ATL2: variants seen among roughly 807,000 people sequenced by gnomAD.
ATL2 encodes atlastin-2.
Under a neutral mutation model 73.9 loss-of-function variants are expected in ATL2, and 31 were observed. That is an observed-to-expected ratio of 0.42 (90% CI 0.32 to 0.57). ATL2 has a LOEUF of 0.57. Ranked by LOEUF, ATL2 falls within the 20% of genes least tolerant of loss-of-function variation. ATL2 has a pLI of 0.14. For synonymous variants in ATL2, 291 were observed against 237.5 expected (o/e 1.23, Z -2.07); for missense variants, 738 against 702.6 (o/e 1.05, Z -0.57).
At chr2:38,374,657 A>G (rs774270805) in intron 1 of ATL2, among the ~76,000 whole-genome samples, 1 of 152,192 alleles carries the variant, frequency 6.6e-6, no homozygotes. Context: ...TTTTTAATAC[A>G]TCTTGCTATG....
intron 1 of ATL2, among the ~76,000 whole-genome samples, chr2:38,373,206 A>G (rs951150741): frequency 2.6e-5 from 4 of 152,136 alleles, no homozygotes; most frequent in Non-Finnish European, 4.4e-5. Context: ...TATCCTCCCT[A>G]TGATTAAAGA....
chr2:38,376,808 C>T (rs978970254), intron 1 of ATL2, among the ~76,000 whole-genome samples: 54 of 151,740 alleles, frequency 3.6e-4, no homozygotes, highest in African/African-American at 1.2e-3. Flanking sequence ...GGCAGGCGGC[C>T]ACGGCTCAAG....
intron 9 of ATL2, among the ~76,000 whole-genome samples, chr2:38,302,065 A>C (rs1270414699): frequency 6.6e-6 from 1 of 152,138 alleles, no homozygotes; most frequent in Admixed American, 6.5e-5. Flanking sequence ...CCCAGACAAG[A>C]TTTCTAAACA....
chr2:38,339,545 T>C (rs906635126), intron 2 of ATL2, among the ~76,000 whole-genome samples: 3 of 152,084 alleles, frequency 2.0e-5, no homozygotes, highest in Non-Finnish European at 4.4e-5. Context: ...TAAAAAAATA[T>C]GACCTCTAAT....
chr2:38,354,133 C>T (rs1292780439), intron 1 of ATL2: 6 of 415,332 alleles, frequency 1.4e-5, no homozygotes, highest in Non-Finnish European at 2.8e-5. Flanking sequence ...TTGCAGTAAG[C>T]GAAGATCGTG....
intron 4 of ATL2, among the ~76,000 whole-genome samples, chr2:38,316,549 A>G (rs1668034215): frequency 6.7e-6 from 1 of 148,938 alleles, no homozygotes; most frequent in Admixed American, 6.6e-5. Context: ...ATCTTACATA[A>G]GGAAAGAAAA....
chr2:38,372,608 T>A (rs1671751717), intron 1 of ATL2, among the ~76,000 whole-genome samples: 1 of 152,224 alleles, frequency 6.6e-6, no homozygotes. Context: ...AGAACTACTT[T>A]GCCACAGGAT....
rs143632980 is a variant in ATL2 at position 38,340,519 on chromosome 2, T to C, written c.363+2749A>G. ...CCAATTCTGTCTTTGATTACAGATT[T>C]TAATCTCCTCTTATAAAACTACTCA... On this transcript the variant is annotated intron_variant, in intron 2 of 12. Transcript: ENST00000378954. Among the ~76,000 whole-genome samples, 164 of 152,246 alleles carry C rather than the reference T, an allele frequency of 1.1e-3. 1 individual carries two copies. Among genetic ancestry groups the C allele is most frequent in the African/African-American group, 3.0e-3 (125 of 41,530 alleles).
At chr2:38,302,752 T>C (rs574449103) in intron 9 of ATL2, among the ~76,000 whole-genome samples, 1 of 152,088 alleles carries the variant, frequency 6.6e-6, no homozygotes, top group Admixed American at 6.5e-5. Flanking sequence ...AGCCACAGCA[T>C]TATGGGCTTG....
At chr2:38,339,548 C>T (rs1410995196) in intron 2 of ATL2, among the ~76,000 whole-genome samples, 1 of 151,830 alleles carries the variant, frequency 6.6e-6, no homozygotes, top group Non-Finnish European at 1.5e-5. Context: ...AAAAATATGA[C>T]CTCTAATATT....
Position 38,298,275 on chromosome 2 carries a change from C to G in ATL2, c.1501G>C (p.Ala501Pro). 2 of 1,614,106 alleles carry G rather than the reference C, an allele frequency of 1.2e-6. No homozygotes were observed. The highest frequency in any genetic ancestry group is 1.3e-5 in the African/African-American group (1 of 75,012). Residue 501 changes from alanine to proline, a missense_variant, in exon 12 of 13, where the codon GCT becomes CCT. Coordinates refer to ENST00000378954, the MANE Select transcript of ATL2 (RefSeq NM_001135673.4). ...LTGFIGLNSI[A>P]VLCNLVMGLA... ...CCCATGACAAGGTTACACAAGACAGCTATAGAGTTTAGGCCAATGAAGCCA... is the reference window on the plus strand; with the variant it reads ...CCCATGACAAGGTTACACAAGACAGGTATAGAGTTTAGGCCAATGAAGCCA...
At chr2:38,322,232 A>G (rs1668367226) in intron 2 of ATL2, among the ~76,000 whole-genome samples, 1 of 152,006 alleles carries the variant, frequency 6.6e-6, no homozygotes, top group Non-Finnish European at 1.5e-5. Flanking sequence ...TATTATTTGT[A>G]AAAGTTACAG....
At chr2:38,307,517 A>G (rs1667517389) in intron 9 of ATL2, among the ~76,000 whole-genome samples, 2 of 152,042 alleles carry the variant, frequency 1.3e-5, no homozygotes, top group Admixed American at 1.3e-4. Flanking sequence ...AAAAAGAAGA[A>G]AACATTGGGG....
At chr2:38,307,226 C>T (rs548491928) in intron 9 of ATL2, among the ~76,000 whole-genome samples, 5 of 152,244 alleles carry the variant, frequency 3.3e-5, no homozygotes, top group South Asian at 4.1e-4. Flanking sequence ...GGCATGGTGG[C>T]AGCTGCCTGT....
At chr2:38,375,983 C>A (rs888883628) in intron 1 of ATL2, 6 of 1,139,722 alleles carry the variant, frequency 5.3e-6, no homozygotes, top group Middle Eastern at 3.2e-4. Flanking sequence ...AAAGTGAGTC[C>A]TTGTGGTTAA....
Position 38,343,388 on chromosome 2 carries a change from C to T in ATL2, c.243G>A (p.Glu81=). The T allele has an allele frequency of 1.9e-6, 3 of 1,612,680 alleles. No individual in the cohort carries two copies. Among genetic ancestry groups the T allele is most frequent in the Non-Finnish European group, 2.5e-6 (3 of 1,179,840 alleles). ...GTATGTGCTCCTGTAGCAATATCTGCTCCAAAGCTTCTTCATCAAGTTCAA... is the reference window on the plus strand; with the variant it reads ...GTATGTGCTCCTGTAGCAATATCTGTTCCAAAGCTTCTTCATCAAGTTCAA... ...HNFELDEEAL[E]QILLQEHIRD... Residue 81 remains glutamate, a synonymous_variant, in exon 2 of 13, where the codon GAG becomes GAA. Transcript: ENST00000378954.
chr2:38,312,999 T>C, intron 7 of ATL2, 152 bp downstream of exon 7: 1 of 570,962 alleles, frequency 1.8e-6, no homozygotes, highest in Non-Finnish European at 3.1e-6. Flanking sequence ...CACTTTACTT[T>C]TCATCAATTA....
chr2:38,377,062 C>G (rs983610811), intron 1 of ATL2, 81 bp downstream of exon 1: 2 of 1,385,926 alleles, frequency 1.4e-6, no homozygotes, highest in Admixed American at 2.1e-5. Context: ...ACCCCGCCGC[C>G]TGCGGCCGGT....
chr2:38,335,999 CA>C (rs1669339494), intron 2 of ATL2, among the ~76,000 whole-genome samples: 1 of 152,166 alleles, frequency 6.6e-6, no homozygotes, highest in Non-Finnish European at 1.5e-5. Context: ...CTGGGCGCCA[CA>C]GCGAGACTCT....
Sources: gnomAD v4.1 joint callset for allele counts (sites outside exome capture counted in the v4.1 genomes callset) on GRCh38, gnomAD v4.1.1 for gene constraint, MANE v1.5 for transcripts, NCBI Gene and HGNC (gene_info 2026-07-23, HGNC 2026-07-21) for gene names.